The following PID1 variants were observed in gnomAD, a reference collection of about 807,000 sequenced individuals.
PID1 encodes PTB-containing, cubilin and LRP1-interacting protein.
Under a neutral mutation model 19.1 loss-of-function variants are expected in PID1, and 10 were observed. The ratio of observed to expected loss-of-function variants is 0.52; its 90% CI spans 0.32 to 0.89. The LOEUF is 0.89. Ranked by LOEUF, PID1 falls within the 40% of genes least tolerant of loss-of-function variation. The probability of loss-of-function intolerance (pLI) is 0.03; values close to 1 mark genes in which losing one functional copy is unlikely to be tolerated. For synonymous variants in PID1, 130 were observed against 116.0 expected (o/e 1.12, Z -0.78); for missense variants, 248 against 285.3 (o/e 0.87, Z 0.94).
intron 1 of PID1, among the ~76,000 whole-genome samples, chr2:229,177,454 T>C (rs1287496020): frequency 6.6e-6 from 1 of 152,198 alleles, no homozygotes; most frequent in African/African-American, 2.4e-5. Context: ...ATTGTTATTG[T>C]TATTTTCTTT....
At chr2:229,149,264 A>G (rs905200347) in intron 2 of PID1, among the ~76,000 whole-genome samples, 8 of 152,182 alleles carry the variant, frequency 5.3e-5, no homozygotes, top group African/African-American at 1.9e-4. Flanking sequence ...TAAGAAGTAA[A>G]AAATGGCCCT....
intron 2 of PID1, among the ~76,000 whole-genome samples, chr2:229,058,393 G>C (rs2106190589): frequency 6.6e-6 from 1 of 152,300 alleles, no homozygotes; most frequent in East Asian, 1.9e-4. Context: ...TGGTTTTCCA[G>C]CAGAGAAGGT....
chr2:229,244,448 AT>A lies in PID1; in HGVS notation c.30+26565del, dbSNP rs1398968398. On this transcript the variant is annotated intron_variant, in intron 1 of 2. Coordinates refer to ENST00000392055, the MANE Select transcript of PID1 (RefSeq NM_001100818.2). ...AGCATGACTGTTTTCATCAACAAAT[AT>A]TCATGACCCTATTTTCCAAAATTCC... Among the ~76,000 whole-genome samples, 7 of 152,280 alleles carry A rather than the reference AT, an allele frequency of 4.6e-5. No individual in the cohort carries two copies. The South Asian group carries it at 1.4e-3, about 32-fold the overall frequency.
intron 1 of PID1, among the ~76,000 whole-genome samples, chr2:229,216,258 G>A (rs1050501847): frequency 5.9e-5 from 9 of 152,148 alleles, no homozygotes; most frequent in Admixed American, 3.9e-4. Context: ...CAACATGCCC[G>A]GGGGCACGTG....
chr2:229,261,568 T>C (rs1000010404), intron 1 of PID1, among the ~76,000 whole-genome samples: 5 of 152,322 alleles, frequency 3.3e-5, no homozygotes, highest in Admixed American at 2.6e-4. Context: ...GACCCACAAC[T>C]ATAAAGCAAC....
chr2:229,163,659 G>C (rs1488850841), intron 1 of PID1, among the ~76,000 whole-genome samples: 1 of 29,010 alleles, frequency 3.4e-5, no homozygotes, highest in Admixed American at 6.8e-4. Flanking sequence ...GAGTGTGTGT[G>C]TGTGTGTGTG....
At chr2:229,152,675 G>T (rs1338726012) in intron 2 of PID1, among the ~76,000 whole-genome samples, 2 of 150,696 alleles carry the variant, frequency 1.3e-5, no homozygotes, top group Admixed American at 1.3e-4. Flanking sequence ...AAAAAAAAGT[G>T]GCAGCAATAG....
In PID1 at chr2:229,102,822, G is replaced by A. The variant is rs958125585; in HGVS notation, c.177+52996C>T. ...CCTGGAAGGATCCAAGCCCAGCAAA[G>A]CTGATTTCCACCTGCCATGCGGCTC... On this transcript the variant is annotated intron_variant, in intron 2 of 2. Coordinates refer to ENST00000392055, the MANE Select transcript of PID1 (RefSeq NM_001100818.2). Among the ~76,000 whole-genome samples the A allele has an allele frequency of 2.0e-5, 3 of 152,206 alleles. No homozygotes were observed. The East Asian group carries it at 5.8e-4, about 29-fold the overall frequency.
At chr2:229,100,993 T>C (rs1695062493) in intron 2 of PID1, among the ~76,000 whole-genome samples, 1 of 152,212 alleles carries the variant, frequency 6.6e-6, no homozygotes, top group African/African-American at 2.4e-5. Flanking sequence ...GAATACATCT[T>C]CAAGTAGTCT....
intron 1 of PID1, among the ~76,000 whole-genome samples, chr2:229,252,648 C>T (rs140750416): frequency 6.6e-6 from 1 of 152,262 alleles, no homozygotes; most frequent in African/African-American, 2.4e-5. Context: ...TTCTTCTTTC[C>T]CTAGCCTGCC....
chr2:229,154,364 T>C (rs1690321663), intron 2 of PID1, among the ~76,000 whole-genome samples: 1 of 151,566 alleles, frequency 6.6e-6, no homozygotes, highest in Non-Finnish European at 1.5e-5. Flanking sequence ...ACCCACCTCA[T>C]AGAATTAGTA....
chr2:229,058,903 A>C (rs1694157086), intron 2 of PID1, among the ~76,000 whole-genome samples: 1 of 152,212 alleles, frequency 6.6e-6, no homozygotes, highest in African/African-American at 2.4e-5. Flanking sequence ...AAAGTGAGGC[A>C]GCCCAAAGAA....
chr2:229,221,361 C>G (rs2106258671), intron 1 of PID1, among the ~76,000 whole-genome samples: 1 of 152,264 alleles, frequency 6.6e-6, no homozygotes, highest in Admixed American at 6.5e-5. Context: ...CACTTCTGTC[C>G]CCACTCCATG....
chr2:229,208,777 G>C (rs1344821048), intron 1 of PID1, among the ~76,000 whole-genome samples: 1 of 152,202 alleles, frequency 6.6e-6, no homozygotes, highest in African/African-American at 2.4e-5. Context: ...GAGAGGGACG[G>C]AGGAGGCAGG....
chr2:229,146,312 C>T (rs1169850780), intron 2 of PID1, among the ~76,000 whole-genome samples: 1 of 152,128 alleles, frequency 6.6e-6, no homozygotes, highest in Non-Finnish European at 1.5e-5. Context: ...GAACAACACA[C>T]TCCAGGGCCT....
chr2:229,248,016 C>A (rs895147188), intron 1 of PID1, among the ~76,000 whole-genome samples: 1 of 152,042 alleles, frequency 6.6e-6, no homozygotes, highest in African/African-American at 2.4e-5. Context: ...TACCTTTTTC[C>A]TCCCTTTACC....
intron 1 of PID1, among the ~76,000 whole-genome samples, chr2:229,187,542 C>T (rs1412203825): frequency 4.6e-5 from 7 of 152,220 alleles, no homozygotes; most frequent in African/African-American, 1.4e-4. Flanking sequence ...TACTCACTAC[C>T]ACGAGAATAG....
intron 1 of PID1, among the ~76,000 whole-genome samples, chr2:229,229,778 C>T (rs1692162939): frequency 2.0e-5 from 3 of 152,234 alleles, no homozygotes; most frequent in Non-Finnish European, 4.4e-5. Flanking sequence ...TCATCTCCCA[C>T]CCGTCTTCTC....
intron 1 of PID1, among the ~76,000 whole-genome samples, chr2:229,255,073 C>T (rs532620685): frequency 2.6e-5 from 4 of 152,202 alleles, no homozygotes; most frequent in East Asian, 1.9e-4. Context: ...TCACTTTTTA[C>T]GGGAAGGGGG....
Sources: gnomAD v4.1 joint callset for allele counts (sites outside exome capture counted in the v4.1 genomes callset) on GRCh38, gnomAD v4.1.1 for gene constraint, MANE v1.5 for transcripts, NCBI Gene and HGNC (gene_info 2026-07-23, HGNC 2026-07-21) for gene names.